Variants in SLC22A16 observed in about 807,000 individuals in gnomAD.
SLC22A16 encodes solute carrier family 22 member 16.
A neutral mutation model predicts 52.9 loss-of-function variants in SLC22A16; 53 were observed. That is an observed-to-expected ratio of 1.00 (90% CI 0.80 to 1.26). SLC22A16 has a LOEUF of 1.26. Ranked by LOEUF, SLC22A16 falls within the 50% of genes most tolerant of loss-of-function variation. The pLI is 0.00. For missense variants in SLC22A16, 726 were observed against 704.0 expected (o/e 1.03, Z -0.35); for synonymous variants, 291 against 268.8 (o/e 1.08, Z -0.81).
Position 110,458,383 on chromosome 6 carries a change from T to C in SLC22A16, c.54-1366A>G, listed in dbSNP as rs1341322914. On this transcript the variant is annotated intron_variant, in intron 1 of 7. Coordinates refer to ENST00000368919, the MANE Select transcript of SLC22A16 (RefSeq NM_033125.4). The stretch of plus-strand genomic sequence containing the variant: ...CCAGCTGTCTTTTCTTTTGTCTCTT[T>C]GTCTTGTGTCTTTATTTCTACGATC... 2.6e-5 allele frequency among the ~76,000 whole-genome samples: 4 copies of C among 152,194 alleles called. No homozygotes were observed. The East Asian group carries it at 7.7e-4, about 29-fold the overall frequency.
At chr6:110,455,543 C>G (rs1775615224) in intron 2 of SLC22A16, 1 of 152,160 alleles carries the variant, frequency 6.6e-6, no homozygotes, top group South Asian at 2.1e-4. Flanking sequence ...AAATCCACAA[C>G]TATGGAGACC....
chr6:110,476,267 C>G, intron 1 of SLC22A16: 1 of 1,190,010 alleles, frequency 8.4e-7, no homozygotes, highest in Non-Finnish European at 1.1e-6. Flanking sequence ...CCAGGTCCCT[C>G]CTGCCCGGCA....
Position 110,456,921 on chromosome 6 carries a change from A to C in SLC22A16, c.150T>G (p.His50Gln), listed in dbSNP as rs771869449. 1.2e-6 allele frequency: 2 copies of C among 1,613,554 alleles called. No individual in the cohort carries two copies. Among genetic ancestry groups the C allele is most frequent in the East Asian group, 4.5e-5 (2 of 44,880 alleles). Residue 50 changes from histidine (H) to glutamine (Q), a missense_variant, in exon 2 of 8, where the codon CAT becomes CAG. Physicochemically the swap from His to Gln is conservative, Grantham distance 24. Coordinates refer to ENST00000368919, the MANE Select transcript of SLC22A16 (RefSeq NM_033125.4). Reference protein sequence around the residue: ...ASVFMGVTPHHVCRPPGNVSQ... With the variant: ...ASVFMGVTPHQVCRPPGNVSQ... The stretch of plus-strand genomic sequence containing the variant: ...TCACATTGCCTGGGGGCCTGCAGAC[A>C]TGATGAGGGGTGACTCCCATGAACA...
intron 1 of SLC22A16, among the ~76,000 whole-genome samples, chr6:110,464,453 G>C (rs1054555713): frequency 3.3e-5 from 5 of 151,950 alleles, no homozygotes; most frequent in Non-Finnish European, 5.9e-5. Flanking sequence ...AATCAGAAAT[G>C]ATAAAAGTAA....
chr6:110,425,280 T>A (rs1774211743), intron 7 of SLC22A16, 195 bp from the exon 8 acceptor site: 1 of 1,510,086 alleles, frequency 6.6e-7, no homozygotes, highest in Admixed American at 2.1e-5. Context: ...CGAGGTTTAA[T>A]CTCATCACTC....
In SLC22A16 at chr6:110,446,956, T is replaced by C. The variant is rs537193613; in HGVS notation, c.568A>G (p.Ser190Gly). The C allele has an allele frequency of 3.7e-6, 6 of 1,613,952 alleles. No individual in the cohort carries two copies. The highest frequency in any genetic ancestry group is 3.3e-5 in the South Asian group (3 of 91,056). ...GRRVVLWATSSSMFLFGIAAA... is the reference protein window; with the variant it reads ...GRRVVLWATSGSMFLFGIAAA... Reference sequence around the variant, plus strand: ...GCTATTCCAAACAAAAACATGCTACTGCTTGTGGCCCACAAGACCACCCGG... The same window carrying C: ...GCTATTCCAAACAAAAACATGCTACCGCTTGTGGCCCACAAGACCACCCGG... Residue 190 changes from serine to glycine, a missense_variant, in exon 3 of 8, where the codon AGT (serine) becomes GGT (glycine). Transcript: ENST00000368919.
chr6:110,463,514 T>TAAAAAAAAAAAAAAAAAAAAAAAAA (rs386408237), intron 1 of SLC22A16, among the ~76,000 whole-genome samples: 1 of 53,270 alleles, frequency 1.9e-5, no homozygotes, highest in Non-Finnish European at 3.2e-5. Flanking sequence ...GTAACAACAG[T>TAAAAAAAAAAAAAAAAAAAAAAAAA]AAAAAAAAAA....
chr6:110,461,374 T>G (rs1433951083), intron 1 of SLC22A16, among the ~76,000 whole-genome samples: 2 of 152,194 alleles, frequency 1.3e-5, no homozygotes, highest in Non-Finnish European at 2.9e-5. Context: ...TAGTGGATCA[T>G]GTTCTTGTCT....
At chr6:110,468,423 T>C (rs1412798651) in intron 1 of SLC22A16, among the ~76,000 whole-genome samples, 1 of 152,158 alleles carries the variant, frequency 6.6e-6, no homozygotes, top group African/African-American at 2.4e-5. Context: ...GGCAGGTGGA[T>C]TACCTGAGGT....
chr6:110,463,709 T>C (rs1249780289), intron 1 of SLC22A16, among the ~76,000 whole-genome samples: 1 of 151,858 alleles, frequency 6.6e-6, no homozygotes, highest in Non-Finnish European at 1.5e-5. Context: ...TTCAATACCA[T>C]ACTGACAGCA....
chr6:110,458,989 A>G (rs1562296096), intron 1 of SLC22A16, among the ~76,000 whole-genome samples: 3 of 151,756 alleles, frequency 2.0e-5, no homozygotes, highest in African/African-American at 4.8e-5. Flanking sequence ...AGTCTCATAT[A>G]TGTGTGTGTG....
chr6:110,470,845 C>T (rs533659222), intron 1 of SLC22A16, among the ~76,000 whole-genome samples: 6 of 152,264 alleles, frequency 3.9e-5, no homozygotes, highest in South Asian at 2.1e-4. Context: ...GATGCTGATA[C>T]GGATGAAAAC....
At chr6:110,444,962 C>T (rs1582547632) in intron 3 of SLC22A16, among the ~76,000 whole-genome samples, 1 of 152,296 alleles carries the variant, frequency 6.6e-6, no homozygotes, top group East Asian at 1.9e-4. Context: ...GAGTCAGCTA[C>T]AACTTCCTCT....
chr6:110,434,452 A>G (rs1271295667), intron 6 of SLC22A16, among the ~76,000 whole-genome samples: 1 of 152,178 alleles, frequency 6.6e-6, no homozygotes, highest in African/African-American at 2.4e-5. Context: ...GCAAGAAGGC[A>G]GGAGCACTGG....
chr6:110,425,461 C>A (rs963627190), intron 7 of SLC22A16: 13 of 1,285,224 alleles, frequency 1.0e-5, no homozygotes, highest in Non-Finnish European at 1.3e-5. Context: ...GTAACTGAGC[C>A]CTGGGTCAGG....
Position 110,466,926 on chromosome 6 carries a change from T to C in SLC22A16, c.53+9596A>G, listed in dbSNP as rs541066666. Reference sequence around the variant, plus strand: ...AAAGAAAATGTGATAGATAGATAGATAGATAGATAGATAGATAGATAGATA... The same window carrying C: ...AAAGAAAATGTGATAGATAGATAGACAGATAGATAGATAGATAGATAGATA... On this transcript the variant is annotated intron_variant, in intron 1 of 7. Transcript: ENST00000368919. Among the ~76,000 whole-genome samples the C allele has an allele frequency of 2.0e-5, 3 of 147,200 alleles. No homozygotes were observed. The East Asian group carries it at 5.9e-4, about 29-fold the overall frequency.
chr6:110,428,002 A>C (rs1223466139), intron 7 of SLC22A16, among the ~76,000 whole-genome samples: 1 of 152,162 alleles, frequency 6.6e-6, no homozygotes, highest in African/African-American at 2.4e-5. Context: ...CAAAACCAAC[A>C]CTCAGTCAAC....
intron 1 of SLC22A16, among the ~76,000 whole-genome samples, chr6:110,457,864 G>A (rs183578691): frequency 8.7e-4 from 132 of 152,194 alleles, no homozygotes; most frequent in African/African-American, 2.5e-3. Flanking sequence ...AAAAGTACCC[G>A]CTACTTAGCA....
At position 110,442,604 on chromosome 6, in the gene SLC22A16, A is replaced by G; in HGVS notation, c.823T>C (p.Ser275Pro). 1 of 1,614,222 alleles carries G rather than the reference A, an allele frequency of 6.2e-7. No individual in the cohort carries two copies. Residue 275 changes from serine (S) to proline (P), a missense_variant, in exon 4 of 8, where the codon TCC becomes CCC. Ser to Pro is a moderately conservative substitution (Grantham distance 74). Transcript: ENST00000368919. ...RTWWLYQMILSTVTVPFILCC... is the reference protein window; with the variant it reads ...RTWWLYQMILPTVTVPFILCC... ...AGGATAAAGGGGACAGTCACTGTGG[A>G]GAGGATCATCTGGTAAAGCCACCAG...
Sources: allele counts gnomAD v4.1 joint callset (sites outside exome capture counted in the v4.1 genomes callset), GRCh38; gene constraint gnomAD v4.1.1; transcripts MANE v1.5; gene names NCBI Gene and HGNC (gene_info 2026-07-23, HGNC 2026-07-21).